DNAJC1: variants seen among roughly 807,000 people sequenced by gnomAD.
DNAJC1 encodes DnaJ heat shock protein family (Hsp40) member C1, also known as dnaJ homolog subfamily C member 1.
DNAJC1 carries 58 observed loss-of-function variants against 76.6 expected under a neutral mutation model. That is an observed-to-expected ratio of 0.76 (90% CI 0.61 to 0.94). The LOEUF is 0.94. Among genes scored for constraint, DNAJC1 ranks in the 40% least tolerant of loss-of-function variants. The probability of loss-of-function intolerance (pLI) is 0.00; values close to 1 mark genes in which losing one functional copy is unlikely to be tolerated. For synonymous variants in DNAJC1, 258 were observed against 267.9 expected (o/e 0.96, Z 0.36); for missense variants, 689 against 677.3 (o/e 1.02, Z -0.19).
intron 9 of DNAJC1, among the ~76,000 whole-genome samples, chr10:21,798,504 C>A (rs1323135283): frequency 6.6e-6 from 1 of 152,154 alleles, no homozygotes; most frequent in Non-Finnish European, 1.5e-5. Flanking sequence ...CCTTGTTGGG[C>A]CTTGCAAACC....
intron 9 of DNAJC1, among the ~76,000 whole-genome samples, chr10:21,801,741 T>C (rs569691782): frequency 6.6e-6 from 1 of 152,098 alleles, no homozygotes; most frequent in African/African-American, 2.4e-5. Flanking sequence ...TCAACCGAAA[T>C]CCCATTAATG....
At chr10:21,803,563 C>G (rs1353213612) in intron 9 of DNAJC1, among the ~76,000 whole-genome samples, 1 of 150,744 alleles carries the variant, frequency 6.6e-6, no homozygotes, top group African/African-American at 2.5e-5. Context: ...TCTACAGACA[C>G]CTGTTCTCTT....
intron 1 of DNAJC1, among the ~76,000 whole-genome samples, chr10:22,002,428 G>A (rs1838534015): frequency 3.9e-5 from 6 of 152,060 alleles, no homozygotes; most frequent in Admixed American, 3.9e-4. Context: ...GATTTTACAA[G>A]TTAATGTCTT....
chr10:21,966,390 T>C (rs1388931369), intron 1 of DNAJC1, among the ~76,000 whole-genome samples: 2 of 152,120 alleles, frequency 1.3e-5, no homozygotes, highest in Non-Finnish European at 1.5e-5. Context: ...CCATTGATAA[T>C]TCTTGTCTGT....
chr10:21,763,883 TC>T (rs1346715503), intron 10 of DNAJC1, among the ~76,000 whole-genome samples: 1 of 152,150 alleles, frequency 6.6e-6, no homozygotes, highest in East Asian at 1.9e-4. Flanking sequence ...ATCCCATTTT[TC>T]CCTTGGGAAA....
chr10:21,818,169 C>T (rs1387830546), intron 8 of DNAJC1, among the ~76,000 whole-genome samples: 6 of 152,238 alleles, frequency 3.9e-5, no homozygotes, highest in African/African-American at 1.2e-4. Context: ...CAGCAAGGAA[C>T]GTCCCTGAGA....
intron 1 of DNAJC1, among the ~76,000 whole-genome samples, chr10:21,944,855 T>C (rs891330043): frequency 5.3e-5 from 8 of 152,180 alleles, no homozygotes; most frequent in African/African-American, 1.9e-4. Flanking sequence ...GACAGACAAC[T>C]TGTGAGTAAC....
At chr10:21,761,914 A>G (rs1312464337) in intron 10 of DNAJC1, among the ~76,000 whole-genome samples, 1 of 151,710 alleles carries the variant, frequency 6.6e-6, no homozygotes, top group Non-Finnish European at 1.5e-5. Flanking sequence ...ATTTTTTTTT[A>G]TTTTTATTTT....
At chr10:21,790,774 C>G (rs1834675264) in intron 9 of DNAJC1, among the ~76,000 whole-genome samples, 1 of 151,824 alleles carries the variant, frequency 6.6e-6, no homozygotes, top group African/African-American at 2.4e-5. Flanking sequence ...TACAGAAAAC[C>G]ACCAAACCAC....
At chr10:21,957,490 G>C (rs935110419) in intron 1 of DNAJC1, among the ~76,000 whole-genome samples, 5 of 151,956 alleles carry the variant, frequency 3.3e-5, no homozygotes, top group Non-Finnish European at 7.4e-5. Context: ...TTATGTTTAT[G>C]GTCAAGTAAT....
chr10:21,846,263 G>A lies in DNAJC1; in HGVS notation c.978+36019C>T, dbSNP rs573008948. 5.3e-5 allele frequency among the ~76,000 whole-genome samples: 8 copies of A among 152,206 alleles called. 1 individual carries two copies. The South Asian group carries it at 1.7e-3, about 32-fold the overall frequency. ...AATAAATAATAAACAAACATTAACC[G>A]CTATTACTATCATCCTCTTTTAATT... is the stretch of plus-strand genomic sequence containing the variant. On this transcript the variant is annotated intron_variant, in intron 8 of 11. Transcript: ENST00000376980.
At chr10:21,929,551 G>A (rs1009655121) in intron 1 of DNAJC1, among the ~76,000 whole-genome samples, 20 of 152,000 alleles carry the variant, frequency 1.3e-4, no homozygotes, top group Non-Finnish European at 2.5e-4. Flanking sequence ...TCTGAATCCC[G>A]GGCTAACCAT....
intron 8 of DNAJC1, among the ~76,000 whole-genome samples, chr10:21,820,041 C>T (rs1189151953): frequency 1.3e-5 from 2 of 152,180 alleles, no homozygotes; most frequent in African/African-American, 4.8e-5. Context: ...AATTTTGAAG[C>T]ATTTTCATCA....
chr10:21,906,450 T>C (rs1402067370), intron 6 of DNAJC1, among the ~76,000 whole-genome samples: 2 of 152,180 alleles, frequency 1.3e-5, no homozygotes, highest in African/African-American at 4.8e-5. Context: ...AATGAGCTTA[T>C]TAGCTTCTTT....
intron 5 of DNAJC1, 114 bp downstream of exon 5, chr10:21,919,718 T>C (rs750941279): frequency 3.0e-6 from 2 of 668,134 alleles, no homozygotes; most frequent in Non-Finnish European, 4.9e-6. Context: ...TTTATAAGAC[T>C]ACCACAGATA....
chr10:21,993,598 G>A (rs959620039), intron 1 of DNAJC1, among the ~76,000 whole-genome samples: 1 of 152,068 alleles, frequency 6.6e-6, no homozygotes, highest in Middle Eastern at 3.2e-3. Context: ...CCACAAGATG[G>A]AGATATTACT....
chr10:21,870,322 T>TA (rs1836082508), intron 8 of DNAJC1, among the ~76,000 whole-genome samples: 2 of 152,072 alleles, frequency 1.3e-5, no homozygotes, highest in African/African-American at 4.8e-5. Context: ...TTTAAAAACT[T>TA]AGACTGATGT....
chr10:21,864,137 A>T (rs759989827), intron 8 of DNAJC1, among the ~76,000 whole-genome samples: 2 of 151,982 alleles, frequency 1.3e-5, no homozygotes, highest in Non-Finnish European at 2.9e-5. Flanking sequence ...AGGCGGCAGG[A>T]TCATTTGAGC....
intron 1 of DNAJC1, among the ~76,000 whole-genome samples, chr10:21,953,359 T>C (rs1213158511): frequency 6.6e-6 from 1 of 151,966 alleles, no homozygotes; most frequent in African/African-American, 2.4e-5. Context: ...TTATACTAGA[T>C]AGAAATGTTT....
Sources: allele counts gnomAD v4.1 joint callset (sites outside exome capture counted in the v4.1 genomes callset), GRCh38; gene constraint gnomAD v4.1.1; transcripts MANE v1.5; gene names NCBI Gene and HGNC (gene_info 2026-07-23, HGNC 2026-07-21).